SHC3: variants seen among roughly 807,000 people sequenced by gnomAD.
SHC3 encodes the protein SHC adaptor protein 3.
SHC3 carries 15 observed loss-of-function variants against 60.4 expected under a neutral mutation model. That is an observed-to-expected ratio of 0.25 (90% CI 0.17 to 0.38). The LOEUF (loss-of-function observed/expected upper bound fraction) is 0.38. Ranked by LOEUF, SHC3 falls within the 10% of genes least tolerant of loss-of-function variation. SHC3 has a pLI of 1.00. For synonymous variants in SHC3, 294 were observed against 325.9 expected (o/e 0.90, Z 1.05); for missense variants, 677 against 786.1 (o/e 0.86, Z 1.66).
In SHC3 at chr9:89,178,362, C is replaced by T; in HGVS notation, c.99G>A (p.Lys33=). 6.3e-7 allele frequency: 1 copy of T among 1,592,882 alleles called. No individual in the cohort carries two copies. The highest frequency in any genetic ancestry group is 8.5e-7 in the Non-Finnish European group (1 of 1,171,570). The change falls in exon 1 of 12, where the codon AAG becomes AAA. Residue 33 remains lysine (K), a synonymous_variant. Transcript: ENST00000375835. This position sits in a 1 kb window ranked among gnomAD's most constrained non-coding sequence, Gnocchi z 6.9. ...HSLSVSGGGG[K]VSAARATPAA... ...CCGGGGTCGCGCGCGCCGCCGAAAC[C>T]TTGCCTCCGCCGCCGCTCACCGACA...
At chr9:89,177,917 G>T in intron 1 of SHC3, 70 bp downstream of exon 1, 2 of 1,154,306 alleles carry the variant, frequency 1.7e-6, no homozygotes, top group Non-Finnish European at 2.1e-6. Flanking sequence ...GGGCTTCAGG[G>T]AATGAAGGAG....
At chr9:89,121,353 C>T (rs959280205) in intron 1 of SHC3, among the ~76,000 whole-genome samples, 2 of 151,874 alleles carry the variant, frequency 1.3e-5, no homozygotes, top group Non-Finnish European at 2.9e-5. Context: ...TGCAATGGCA[C>T]GATCTCAGCT....
At chr9:89,110,214 G>A (rs1825925725) in intron 2 of SHC3, 2 of 985,388 alleles carry the variant, frequency 2.0e-6, no homozygotes, top group African/African-American at 3.5e-5. Context: ...TCACATTTGT[G>A]TATACAAAGT....
intron 1 of SHC3, among the ~76,000 whole-genome samples, chr9:89,149,697 T>C (rs890462916): frequency 6.6e-6 from 1 of 152,236 alleles, no homozygotes; most frequent in Non-Finnish European, 1.5e-5. Flanking sequence ...AATATTCACC[T>C]TTTAAGAGTG....
intron 1 of SHC3, among the ~76,000 whole-genome samples, chr9:89,173,389 G>A (rs1204690007): frequency 6.6e-6 from 1 of 152,286 alleles, no homozygotes; most frequent in Non-Finnish European, 1.5e-5. Flanking sequence ...CTGCTTTAAT[G>A]ATAGTAATCA....
At chr9:89,061,331 T>C (rs1399451358) in intron 6 of SHC3, among the ~76,000 whole-genome samples, 1 of 152,222 alleles carries the variant, frequency 6.6e-6, no homozygotes, top group Non-Finnish European at 1.5e-5. Context: ...ATTTAAGGCC[T>C]CTTTTAGAAA....
At chr9:89,045,865 A>C in intron 8 of SHC3, 32 bp from the exon 9 acceptor site, 1 of 1,605,212 alleles carries the variant, frequency 6.2e-7, no homozygotes, top group Non-Finnish European at 8.5e-7. Context: ...CAGAATGAAA[A>C]AATTATTTTC....
intron 1 of SHC3, among the ~76,000 whole-genome samples, chr9:89,150,909 T>C (rs142967322): frequency 6.6e-6 from 1 of 152,358 alleles, no homozygotes; most frequent in East Asian, 1.9e-4. Flanking sequence ...TTTTTTGTTA[T>C]ACCCTAAAGG....
chr9:89,066,765 C>T (rs1429635302), intron 5 of SHC3, among the ~76,000 whole-genome samples: 1 of 152,164 alleles, frequency 6.6e-6, no homozygotes, highest in Non-Finnish European at 1.5e-5. Context: ...GTGACTTGCT[C>T]CACTGTTTTC....
chr9:89,023,039 G>A (rs1257181549), intron 11 of SHC3, among the ~76,000 whole-genome samples: 1 of 152,210 alleles, frequency 6.6e-6, no homozygotes, highest in African/African-American at 2.4e-5. Flanking sequence ...CCAGGCATGT[G>A]ATGGGTTTGA....
chr9:89,138,453 C>T (rs1462231535), intron 1 of SHC3, among the ~76,000 whole-genome samples: 1 of 152,142 alleles, frequency 6.6e-6, no homozygotes, highest in African/African-American at 2.4e-5. Context: ...TGTCATGGAG[C>T]TGGTGGGAGT....
At chr9:89,127,517 C>T (rs549671446) in intron 1 of SHC3, among the ~76,000 whole-genome samples, 1 of 152,140 alleles carries the variant, frequency 6.6e-6, no homozygotes, top group African/African-American at 2.4e-5. Flanking sequence ...TCATGAAACC[C>T]CAGGAATTAA....
chr9:89,067,965 C>T (rs1397242446), intron 5 of SHC3, among the ~76,000 whole-genome samples: 1 of 152,048 alleles, frequency 6.6e-6, no homozygotes, highest in African/African-American at 2.4e-5. Flanking sequence ...TATTTTTTTA[C>T]GTTCTTACTC....
intron 6 of SHC3, among the ~76,000 whole-genome samples, chr9:89,054,823 C>G (rs1824922223): frequency 6.6e-6 from 1 of 152,244 alleles, no homozygotes; most frequent in East Asian, 1.9e-4. Flanking sequence ...GAAACTCGTA[C>G]CAACAGCCTG....
chr9:89,154,622 C>T (rs948514918), intron 1 of SHC3, among the ~76,000 whole-genome samples: 1 of 152,190 alleles, frequency 6.6e-6, no homozygotes, highest in Non-Finnish European at 1.5e-5. Context: ...AGACAACTCT[C>T]ATTTAAATCT....
rs111367576 is a variant in SHC3, at chr9:89,027,389, G to A, written c.1656+10604C>T. Among the ~76,000 whole-genome samples, 236 of 149,104 alleles carry A rather than the reference G, an allele frequency of 1.6e-3. 1 individual carries two copies. The highest frequency in any genetic ancestry group is 4.8e-3 in the African/African-American group (188 of 39,568). ...GGCTGGAGTGCAGTGGCACGATCTC[G>A]GCTCACTGCAGGCTGTGCCCCCCGG... On this transcript the variant is annotated intron_variant, in intron 11 of 11. Coordinates refer to ENST00000375835, the MANE Select transcript of SHC3 (RefSeq NM_016848.6).
Position 89,046,897 on chromosome 9 carries a change from C to A in SHC3, c.1060G>T (p.Gly354Cys), listed in dbSNP as rs200512628. 6.2e-7 allele frequency: 1 copy of A among 1,610,416 alleles called. No individual in the cohort carries two copies. The change falls in exon 8 of 12, where the codon GGC becomes TGC. Residue 354 changes from glycine (G) to cysteine (C), a missense_variant. Gly to Cys is a radical substitution (Grantham distance 159). Coordinates refer to ENST00000375835, the MANE Select transcript of SHC3 (RefSeq NM_016848.6). ...GGTTTCAGTCTAGTATCAAGAAAGC[C>A]CCCTGGAGGAGGCATCTTGCTTGGG... is the stretch of plus-strand genomic sequence containing the variant. ...SIPSKMPPPG[G>C]FLDTRLKPRP...
At chr9:89,100,956 C>G (rs1825774520) in intron 2 of SHC3, among the ~76,000 whole-genome samples, 1 of 152,116 alleles carries the variant, frequency 6.6e-6, no homozygotes, top group African/African-American at 2.4e-5. Flanking sequence ...TACAAAAAGC[C>G]TACTGGTACT....
chr9:89,048,999 C>T (rs1353212670), intron 7 of SHC3, among the ~76,000 whole-genome samples: 1 of 152,142 alleles, frequency 6.6e-6, no homozygotes, highest in South Asian at 2.1e-4. Flanking sequence ...CGGTGATTTA[C>T]GCCTGTAATC....
Sources: allele counts gnomAD v4.1 joint callset (sites outside exome capture counted in the v4.1 genomes callset), GRCh38; gene constraint gnomAD v4.1.1; non-coding constraint Gnocchi (gnomAD v3.1); transcripts MANE v1.5; gene names NCBI Gene and HGNC (gene_info 2026-07-23, HGNC 2026-07-21).